The following TMEM161B variants were observed in gnomAD, a reference collection of about 807,000 sequenced individuals.
TMEM161B encodes transmembrane protein 161B.
TMEM161B carries 34 observed loss-of-function variants against 61.8 expected under a neutral mutation model. The observed-to-expected ratio is 0.55, with a 90% confidence interval of 0.42 to 0.73. The LOEUF is 0.73. Among genes scored for constraint, TMEM161B ranks in the 30% least tolerant of loss-of-function variants. TMEM161B has a pLI of 0.00. For missense variants in TMEM161B, 456 were observed against 558.5 expected (o/e 0.82, Z 1.85); for synonymous variants, 167 against 192.8 (o/e 0.87, Z 1.11).
rs964714625 is a variant in TMEM161B at position 88,189,911 on chromosome 5, G to C, written c.*141C>G. The stretch of plus-strand genomic sequence containing the variant: ...TCTGATTCATCCGCTCCACCTTTCC[G>C]GAACTCTGAGGCCAGTAGGCAGCAT... On this transcript the variant is annotated 3_prime_UTR_variant, in exon 13 of 13. Coordinates refer to the TMEM161B transcript ENST00000514135. 12 of 599,752 alleles carry C rather than the reference G, an allele frequency of 2.0e-5. No individual in the cohort carries two copies. The East Asian group carries it at 3.3e-4, about 17-fold the overall frequency. The allele number at this position is 599,752 out of a possible 1,614,324, so 37.2% of individuals were successfully genotyped here. A position where few individuals can be genotyped will look rare whatever the true frequency, so the allele number is the denominator to read the frequency against.
At chr5:88,263,653 A>G (rs1408226052) in intron 1 of TMEM161B, among the ~76,000 whole-genome samples, 2 of 152,210 alleles carry the variant, frequency 1.3e-5, no homozygotes, top group Non-Finnish European at 2.9e-5. Flanking sequence ...CAGTCAGAAA[A>G]TAATAACTTC....
chr5:88,231,353 C>T (rs950996783), intron 2 of TMEM161B, among the ~76,000 whole-genome samples: 23 of 152,120 alleles, frequency 1.5e-4, no homozygotes, highest in Admixed American at 1.0e-3. Flanking sequence ...GACAATCTTA[C>T]GGAGAACTTC....
At chr5:88,212,302 G>A (rs556600244) in intron 5 of TMEM161B, among the ~76,000 whole-genome samples, 4 of 152,224 alleles carry the variant, frequency 2.6e-5, no homozygotes, top group Admixed American at 6.5e-5. Context: ...TTAGCAGAAA[G>A]CGCCACCAAA....
At chr5:88,259,299 T>G (rs1324862282) in intron 1 of TMEM161B, 1 of 152,210 alleles carries the variant, frequency 6.6e-6, no homozygotes, top group East Asian at 1.9e-4. Context: ...TTAAAGGAAC[T>G]ATGTCTGCTG....
intron 4 of TMEM161B, among the ~76,000 whole-genome samples, chr5:88,224,938 T>C (rs1325555148): frequency 6.6e-6 from 1 of 151,138 alleles, no homozygotes; most frequent in African/African-American, 2.4e-5. Flanking sequence ...CAGTATATAA[T>C]ACACATAACA....
intron 11 of TMEM161B, 64 bp from the exon 12 acceptor site, chr5:88,196,552 A>G: frequency 6.8e-7 from 1 of 1,476,936 alleles, no homozygotes; most frequent in Non-Finnish European, 9.0e-7. Flanking sequence ...TTTATTAAAA[A>G]AAAATCTTCC....
At chr5:88,263,314 A>T (rs1057204708) in intron 1 of TMEM161B, among the ~76,000 whole-genome samples, 6 of 152,170 alleles carry the variant, frequency 3.9e-5, no homozygotes, top group Admixed American at 1.3e-4. Flanking sequence ...TCATGAGATC[A>T]TCAGCCTCTC....
chr5:88,217,552 G>A (rs903669314), intron 5 of TMEM161B, among the ~76,000 whole-genome samples: 2 of 150,792 alleles, frequency 1.3e-5, no homozygotes, highest in African/African-American at 4.9e-5. Context: ...GAATGTGTGT[G>A]TGGTGGTGGC....
chr5:88,259,788 C>T (rs1755465000), intron 1 of TMEM161B, among the ~76,000 whole-genome samples: 1 of 152,174 alleles, frequency 6.6e-6, no homozygotes, highest in African/African-American at 2.4e-5. Flanking sequence ...GTTCGGGAAA[C>T]ATTTTCTAAA....
intron 1 of TMEM161B, among the ~76,000 whole-genome samples, chr5:88,261,573 G>A (rs1279053210): frequency 1.3e-5 from 2 of 148,536 alleles, no homozygotes; most frequent in African/African-American, 2.5e-5. Flanking sequence ...GATGAAAGAA[G>A]AAATAAACAG....
chr5:88,208,209 C>T (rs1745921204), intron 5 of TMEM161B, among the ~76,000 whole-genome samples: 1 of 152,046 alleles, frequency 6.6e-6, no homozygotes, highest in Non-Finnish European at 1.5e-5. Flanking sequence ...AATTGCCGGG[C>T]GTGGTGGCTC....
intron 4 of TMEM161B, among the ~76,000 whole-genome samples, 171 bp from the exon 5 acceptor site, chr5:88,220,890 A>G (rs921736801): frequency 2.0e-5 from 3 of 152,304 alleles, no homozygotes; most frequent in African/African-American, 7.2e-5. Flanking sequence ...CAAGAAATAG[A>G]CTGAGGATGT....
At chr5:88,242,996 C>G (rs577239953) in intron 1 of TMEM161B, among the ~76,000 whole-genome samples, 1 of 151,568 alleles carries the variant, frequency 6.6e-6, no homozygotes, top group South Asian at 2.1e-4. Flanking sequence ...AGTAAAAGAT[C>G]AATTGCCTAA....
At chr5:88,215,897 A>G (rs905162440) in intron 5 of TMEM161B, among the ~76,000 whole-genome samples, 5 of 152,242 alleles carry the variant, frequency 3.3e-5, no homozygotes, top group East Asian at 1.9e-4. Flanking sequence ...ATAAAACTGC[A>G]TATCAAGTAT....
intron 2 of TMEM161B, among the ~76,000 whole-genome samples, chr5:88,235,406 C>G (rs955924447): frequency 6.6e-6 from 1 of 152,184 alleles, no homozygotes; most frequent in African/African-American, 2.4e-5. Flanking sequence ...CCCCACCCCC[C>G]TCAAATTCTT....
At chr5:88,236,034 T>C (rs571733461) in intron 2 of TMEM161B, among the ~76,000 whole-genome samples, 1 of 152,304 alleles carries the variant, frequency 6.6e-6, no homozygotes, top group South Asian at 2.1e-4. Context: ...TCCCACCTAC[T>C]GTGCATCTGA....
exon 13 of TMEM161B, chr5:88,190,011 G>A: frequency 1.4e-6 from 1 of 698,826 alleles, no homozygotes; most frequent in Non-Finnish European, 2.6e-6. Context: ...CCCATTATCT[G>A]AGCCGATCCG....
intron 5 of TMEM161B, among the ~76,000 whole-genome samples, chr5:88,211,281 T>G (rs1272662220): frequency 1.3e-5 from 2 of 151,930 alleles, no homozygotes; most frequent in Non-Finnish European, 2.9e-5. Flanking sequence ...ATATTTTTAT[T>G]TAGAGATATT....
intron 2 of TMEM161B, among the ~76,000 whole-genome samples, chr5:88,230,004 C>A (rs1227670894): frequency 1.3e-5 from 2 of 151,862 alleles, no homozygotes; most frequent in African/African-American, 2.4e-5. Flanking sequence ...CCAACCTGGG[C>A]AACACAGTGA....
Sources: gnomAD v4.1 joint callset for allele counts (sites outside exome capture counted in the v4.1 genomes callset) on GRCh38, gnomAD v4.1.1 for gene constraint, MANE v1.5 for transcripts, NCBI Gene and HGNC (gene_info 2026-07-23, HGNC 2026-07-21) for gene names.